CA10: variants seen among roughly 807,000 people sequenced by gnomAD.
CA10 encodes the protein carbonic anhydrase 10 (inactive).
A neutral mutation model predicts 44.2 loss-of-function variants in CA10; 14 were observed. The observed-to-expected ratio is 0.32, with a 90% CI of 0.21 to 0.50. CA10 has a LOEUF of 0.50. CA10 is among the 20% of genes least tolerant of loss of function. CA10 has a pLI of 0.99. For synonymous variants in CA10, 159 were observed against 141.6 expected (o/e 1.12, Z -0.87); for missense variants, 350 against 409.7 (o/e 0.85, Z 1.26).
In CA10 at chr17:51,850,712, T is replaced by C. The variant is rs116186149; in HGVS notation, c.279+80278A>G. On this transcript the variant is annotated intron_variant, in intron 3 of 8. Transcript: ENST00000451037. ...TGAAAGCAAGGGCCTTGCACACCAC[T>C]GTATCCTCAGCTCTTAGAACAGCGC... Among the ~76,000 whole-genome samples, 914 of 152,294 alleles carry C rather than the reference T, an allele frequency of 6.0e-3. 13 individuals are homozygous for C. The highest frequency in any genetic ancestry group is 0.021 in the African/African-American group (877 of 41,562).
intron 2 of CA10, among the ~76,000 whole-genome samples, chr17:52,069,782 C>T (rs1041287748): frequency 3.9e-5 from 6 of 152,190 alleles, no homozygotes; most frequent in Admixed American, 3.3e-4. Context: ...TTTTTATCCA[C>T]CACAGCTTTG....
chr17:51,745,530 C>T (rs894453230), intron 4 of CA10, among the ~76,000 whole-genome samples: 3 of 152,184 alleles, frequency 2.0e-5, no homozygotes, highest in Admixed American at 6.5e-5. Flanking sequence ...TTCTTTGGTG[C>T]ACCTGATACC....
chr17:51,675,148 C>G (rs966405378), intron 4 of CA10, among the ~76,000 whole-genome samples: 2 of 152,112 alleles, frequency 1.3e-5, no homozygotes, highest in Non-Finnish European at 2.9e-5. Context: ...ATGGAGGCAG[C>G]CGGAGGAGGG....
intron 4 of CA10, among the ~76,000 whole-genome samples, chr17:51,744,048 A>G (rs1484953432): frequency 6.6e-6 from 1 of 152,296 alleles, no homozygotes; most frequent in African/African-American, 2.4e-5. Context: ...GGATTGGTGC[A>G]GTGGCTCACG....
rs531538622 is a variant in CA10 at position 51,693,440 on chromosome 17, C to T, written c.466-39704G>A. ...GTTTGGGGTATGATTGTTCCCATCA[C>T]CAAGGTACTGAGCATAGCACCCAAT... On this transcript the variant is annotated intron_variant, in intron 4 of 8. Coordinates refer to ENST00000451037, the MANE Select transcript of CA10 (RefSeq NM_020178.5). 3.9e-5 allele frequency among the ~76,000 whole-genome samples: 6 copies of T among 152,256 alleles called. No homozygotes were observed. In the South Asian group the frequency reaches 1.2e-3, roughly 32 times the overall value.
chr17:51,993,960 G>C (rs1018970990), intron 2 of CA10, among the ~76,000 whole-genome samples: 1 of 152,042 alleles, frequency 6.6e-6, no homozygotes, highest in South Asian at 2.1e-4. Flanking sequence ...TTTTAGAGTA[G>C]TTCACATCTT....
At chr17:51,972,674 C>T (rs1357417922) in intron 2 of CA10, among the ~76,000 whole-genome samples, 1 of 151,826 alleles carries the variant, frequency 6.6e-6, no homozygotes, top group African/African-American at 2.4e-5. Context: ...AAAACCATGT[C>T]TTAAAACAAA....
chr17:52,062,846 C>A (rs1987427329), intron 2 of CA10, among the ~76,000 whole-genome samples: 1 of 152,236 alleles, frequency 6.6e-6, no homozygotes. Flanking sequence ...TCTACTAGGG[C>A]AGTGCCCAGG....
At chr17:51,908,302 G>A (rs1378183657) in intron 3 of CA10, among the ~76,000 whole-genome samples, 1 of 152,076 alleles carries the variant, frequency 6.6e-6, no homozygotes, top group African/African-American at 2.4e-5. Context: ...AATTACTTTG[G>A]TCATATTGAC....
At chr17:52,110,504 A>G (rs1461533004) in intron 1 of CA10, among the ~76,000 whole-genome samples, 1 of 152,238 alleles carries the variant, frequency 6.6e-6, no homozygotes, top group East Asian at 1.9e-4. Context: ...GTGATAAATA[A>G]TACCACTGTA....
At chr17:51,668,811 C>T (rs1044477538) in intron 4 of CA10, among the ~76,000 whole-genome samples, 4 of 152,076 alleles carry the variant, frequency 2.6e-5, no homozygotes, top group Non-Finnish European at 4.4e-5. Context: ...TGCCTGCACT[C>T]GTGGGCCAGC....
At chr17:52,049,117 G>A (rs747870076) in intron 2 of CA10, among the ~76,000 whole-genome samples, 3 of 152,066 alleles carry the variant, frequency 2.0e-5, no homozygotes, top group Non-Finnish European at 4.4e-5. Flanking sequence ...GCGTTAGGAA[G>A]AATCAAGATC....
intron 3 of CA10, among the ~76,000 whole-genome samples, chr17:51,814,221 C>CATT (rs1907481701): frequency 6.6e-6 from 1 of 152,134 alleles, no homozygotes; most frequent in South Asian, 2.1e-4. Flanking sequence ...AATAAATATG[C>CATT]ATTAATAATG....
At chr17:51,830,821 T>C (rs1371601545) in intron 3 of CA10, among the ~76,000 whole-genome samples, 1 of 152,178 alleles carries the variant, frequency 6.6e-6, no homozygotes, top group African/African-American at 2.4e-5. Context: ...ATCTTCCCCA[T>C]ATTTTAGTTA....
chr17:51,965,204 T>C (rs549664857), intron 2 of CA10, among the ~76,000 whole-genome samples: 29 of 151,850 alleles, frequency 1.9e-4, no homozygotes, highest in African/African-American at 6.5e-4. Flanking sequence ...CAGGAAGAAA[T>C]TGAAACCCTG....
chr17:51,865,562 C>T (rs189686563), intron 3 of CA10, among the ~76,000 whole-genome samples: 4 of 152,222 alleles, frequency 2.6e-5, no homozygotes, highest in East Asian at 3.9e-4. Context: ...CTCAGGGAGC[C>T]GGTGGGGGGG....
At chr17:51,906,634 C>T (rs945426390) in intron 3 of CA10, among the ~76,000 whole-genome samples, 1 of 152,128 alleles carries the variant, frequency 6.6e-6, no homozygotes, top group African/African-American at 2.4e-5. Flanking sequence ...TTCTTAGTTT[C>T]CAGACATGTA....
At position 52,097,982 on chromosome 17, in the gene CA10, C is replaced by T. The variant is rs542469787; in HGVS notation, c.62-25589G>A. Among the ~76,000 whole-genome samples the T allele has an allele frequency of 6.6e-5, 10 of 152,310 alleles. No individual in the cohort carries two copies. In the South Asian group the frequency reaches 8.3e-4, roughly 13 times the overall value. ...CCCCGTCACCTGGCCACTCTTCCAG[C>T]GGAGGCCCCCCAATATTTCTATATC... On this transcript the variant is annotated intron_variant, in intron 1 of 8. Transcript: ENST00000451037.
At chr17:52,064,800 G>C (rs138085959) in intron 2 of CA10, among the ~76,000 whole-genome samples, 2 of 152,156 alleles carry the variant, frequency 1.3e-5, no homozygotes, top group Non-Finnish European at 2.9e-5. Context: ...TAGCCTGCTA[G>C]GTCCAATGCT....
Sources: allele counts gnomAD v4.1 joint callset (sites outside exome capture counted in the v4.1 genomes callset), GRCh38; gene constraint gnomAD v4.1.1; transcripts MANE v1.5; gene names NCBI Gene and HGNC (gene_info 2026-07-23, HGNC 2026-07-21).